CCNY: variants seen among roughly 807,000 people sequenced by gnomAD.
CCNY encodes the protein cyclin Y, also known as cyclin-Y.
CCNY carries 19 observed loss-of-function variants against 42.8 expected under a neutral mutation model. The observed-to-expected ratio is 0.44, with a 90% CI of 0.31 to 0.65. The LOEUF is 0.65. Ranked by LOEUF, CCNY falls within the 30% of genes least tolerant of loss-of-function variation. The pLI, the probability that CCNY is intolerant of heterozygous loss-of-function variation, is 0.07. For synonymous variants in CCNY, 165 were observed against 162.7 expected, an observed-to-expected ratio of 1.01 and a Z score of -0.11; for missense variants, 370 against 437.3, an observed-to-expected ratio of 0.85 and a Z score of 1.37.
rs115721543 is a variant in CCNY, at chr10:35,554,751, A to G, written c.746+1566A>G. Among the ~76,000 whole-genome samples the G allele has an allele frequency of 7.6e-3, 1,162 of 152,296 alleles. 13 individuals are homozygous for G. Among genetic ancestry groups the G allele is most frequent in the African/African-American group, 0.027 (1,112 of 41,540 alleles). Reference sequence around the variant, plus strand: ...GTGTCCACTTAAAGCCAGAATACCTAATGAAATTAGACTAGGTCTTAAATA... The same window carrying G: ...GTGTCCACTTAAAGCCAGAATACCTGATGAAATTAGACTAGGTCTTAAATA... On this transcript the variant is annotated intron_variant, in intron 8 of 9. Coordinates refer to ENST00000374704, the MANE Select transcript of CCNY (RefSeq NM_145012.6).
chr10:35,418,881 C>A (rs559421076), intron 1 of CCNY, among the ~76,000 whole-genome samples: 16 of 151,838 alleles, frequency 1.1e-4, no homozygotes, highest in Admixed American at 9.8e-4. Context: ...AGTGCAGTGG[C>A]GCTATCTCTG....
intron 3 of CCNY, among the ~76,000 whole-genome samples, chr10:35,286,787 G>A (rs140013946): frequency 1.3e-5 from 2 of 150,540 alleles, no homozygotes; most frequent in African/African-American, 4.9e-5. Context: ...AGTCTCCTAA[G>A]TCGCTGGAAT....
At chr10:35,292,551 G>A (rs186329326) in intron 3 of CCNY, among the ~76,000 whole-genome samples, 6 of 152,052 alleles carry the variant, frequency 3.9e-5, no homozygotes, top group Non-Finnish European at 7.4e-5. Context: ...AGTAGAGACA[G>A]GGTTTCGCCA....
At chr10:35,329,047 A>T (rs1835910968) in intron 3 of CCNY, among the ~76,000 whole-genome samples, 1 of 152,252 alleles carries the variant, frequency 6.6e-6, no homozygotes, top group Admixed American at 6.5e-5. Context: ...CTCCAATTAC[A>T]GATCACAGAA....
chr10:35,256,278 C>A (rs2095715418), intron 3 of CCNY, among the ~76,000 whole-genome samples: 1 of 148,604 alleles, frequency 6.7e-6, no homozygotes, highest in Non-Finnish European at 1.5e-5. Flanking sequence ...ATGCTTCCTG[C>A]CTTACTATCT....
intron 3 of CCNY, among the ~76,000 whole-genome samples, chr10:35,261,414 T>G (rs1310438952): frequency 6.6e-6 from 1 of 151,804 alleles, no homozygotes; most frequent in Non-Finnish European, 1.5e-5. Context: ...ATTTTTGTAT[T>G]TTTAGTAGAG....
At chr10:35,278,461 T>C (rs2135050749) in intron 3 of CCNY, among the ~76,000 whole-genome samples, 1 of 152,214 alleles carries the variant, frequency 6.6e-6, no homozygotes, top group East Asian at 1.9e-4. Context: ...CCAGCAGGGA[T>C]CCAGCTCCAA....
chr10:35,309,998 C>T (rs1310215609), intron 3 of CCNY, among the ~76,000 whole-genome samples: 1 of 152,014 alleles, frequency 6.6e-6, no homozygotes, highest in Non-Finnish European at 1.5e-5. Flanking sequence ...GGCAGGGTTT[C>T]ACCATGTTAG....
At chr10:35,432,785 T>G (rs1838441174) in intron 1 of CCNY, among the ~76,000 whole-genome samples, 1 of 152,252 alleles carries the variant, frequency 6.6e-6, no homozygotes, top group African/African-American at 2.4e-5. Context: ...TTTTCTGTTC[T>G]CCCTAGGAAA....
chr10:35,254,639 C>A (rs1460797765), intron 3 of CCNY, among the ~76,000 whole-genome samples: 1 of 151,862 alleles, frequency 6.6e-6, no homozygotes, highest in Non-Finnish European at 1.5e-5. Flanking sequence ...CCAGCCTGGA[C>A]AACATGGCAA....
intron 1 of CCNY, among the ~76,000 whole-genome samples, chr10:35,342,725 T>A (rs1836210273): frequency 6.6e-6 from 1 of 152,186 alleles, no homozygotes; most frequent in African/African-American, 2.4e-5. Flanking sequence ...CTTATCATTC[T>A]CCCCATTTTC....
intron 3 of CCNY, among the ~76,000 whole-genome samples, chr10:35,282,318 G>T (rs779090655): frequency 1.3e-5 from 2 of 151,604 alleles, no homozygotes; most frequent in Non-Finnish European, 2.9e-5. Context: ...ATAGTGATGG[G>T]GTCTTACTAT....
At chr10:35,332,825 TG>T (rs968045838), upstream of CCNY, among the ~76,000 whole-genome samples, 16 of 152,138 alleles carry the variant, frequency 1.1e-4, no homozygotes, top group African/African-American at 3.9e-4. Flanking sequence ...AGGATGGTCT[TG>T]ATCTCCTGAC....
Position 35,569,437 on chromosome 10 carries a change from G to C in CCNY, c.*267G>C, listed in dbSNP as rs1415078278. On this transcript the variant is annotated 3_prime_UTR_variant, in exon 10 of 10. Transcript: ENST00000374704. ...TCGAATCCTGGAGGAGGAAATAAAG[G>C]GAAAGGGAAGTCGTGGAGAGGCAGG... is the stretch of plus-strand genomic sequence containing the variant. The C allele has an allele frequency of 2.2e-5, 11 of 489,212 alleles. No individual in the cohort carries two copies. In the East Asian group the frequency reaches 4.0e-4, roughly 18 times the overall value. The allele number at this position is 489,212 out of a possible 1,614,324, so 30.3% of individuals were successfully genotyped here.
chr10:35,262,287 A>G (rs190120904), intron 3 of CCNY, among the ~76,000 whole-genome samples: 26 of 146,886 alleles, frequency 1.8e-4, no homozygotes, highest in Admixed American at 8.9e-4. Context: ...AAAGAATTGA[A>G]TAGTATGAGT....
rs563912579 is a variant in CCNY at position 35,374,943 on chromosome 10, G to C, written c.154+37736G>C. Among the ~76,000 whole-genome samples, 67 of 152,268 alleles carry C rather than the reference G, an allele frequency of 4.4e-4. 1 individual carries two copies. In the South Asian group the frequency reaches 0.011, roughly 26 times the overall value. On this transcript the variant is annotated intron_variant, in intron 1 of 9. Transcript: ENST00000374704. ...ATGCTTGTCATTTGATGGAAAAAAG[G>C]GTTCTCAGACTGTAAGAAAGGAAGT... is the stretch of plus-strand genomic sequence containing the variant.
At chr10:35,527,007 G>A (rs1010644942) in intron 5 of CCNY, among the ~76,000 whole-genome samples, 5 of 152,186 alleles carry the variant, frequency 3.3e-5, no homozygotes, top group African/African-American at 9.7e-5. Context: ...TTTACAAAGC[G>A]TGGTTAGTCA....
chr10:35,330,308 C>T (rs1055215859), intron 3 of CCNY, among the ~76,000 whole-genome samples: 6 of 152,154 alleles, frequency 3.9e-5, no homozygotes, highest in Non-Finnish European at 8.8e-5. Context: ...TTTTCATGGG[C>T]CTAATCTGCC....
chr10:35,494,243 C>CCG lies in CCNY; in HGVS notation c.230-7257_230-7256insGC, dbSNP rs1554794908. 8.1e-4 allele frequency among the ~76,000 whole-genome samples: 118 copies of CCG among 146,002 alleles called. 2 individuals carry two copies. The highest frequency in any genetic ancestry group is 2.6e-3 in the African/African-American group (99 of 38,802). ...TGGACAGCATAGTGAGACCCCCCCC[C>CCG]CCATTTCTACAAAAAAATAAAGATT... On this transcript the variant is annotated intron_variant, in intron 2 of 9. Coordinates refer to ENST00000374704, the MANE Select transcript of CCNY (RefSeq NM_145012.6).
Sources: gnomAD v4.1 joint callset for allele counts (sites outside exome capture counted in the v4.1 genomes callset) on GRCh38, gnomAD v4.1.1 for gene constraint, MANE v1.5 for transcripts, NCBI Gene and HGNC (gene_info 2026-07-23, HGNC 2026-07-21) for gene names.